The following GRM7 variants were observed in gnomAD, a reference collection of about 807,000 sequenced individuals.
The protein encoded by GRM7 is metabotropic glutamate receptor 7.
Under a neutral mutation model 84.5 loss-of-function variants are expected in GRM7, and 35 were observed. That is an observed-to-expected ratio of 0.41 (90% confidence interval 0.32 to 0.55). GRM7 has a LOEUF of 0.55. GRM7 is among the 20% of genes least tolerant of loss of function. The probability of loss-of-function intolerance (pLI) is 0.19; values close to 1 mark genes in which losing one functional copy is unlikely to be tolerated. For synonymous variants in GRM7, 487 were observed against 455.1 expected (o/e 1.07, Z -0.89); for missense variants, 1,003 against 1,194.6 (o/e 0.84, Z 2.36).
rs564983403 is a variant in GRM7, at chr3:7,464,819, C to A, written c.1515+3097C>A. Among the ~76,000 whole-genome samples, 77 of 138,802 alleles carry A rather than the reference C, an allele frequency of 5.5e-4. 1 individual carries two copies. In the East Asian group the frequency reaches 0.013, roughly 23 times the overall value. The allele number at this position is 138,802 out of a possible 152,430, so 91.1% of individuals were successfully genotyped here. On this transcript the variant is annotated intron_variant, in intron 7 of 9. Transcript: ENST00000357716. ...CTCCAGCCTGGGTGACAGAGCAAGA[C>A]TCTGTCTCAAAAAAAAAAAAAAAAA...
chr3:7,479,157 G>A (rs1413632997), intron 7 of GRM7, among the ~76,000 whole-genome samples: 1 of 152,030 alleles, frequency 6.6e-6, no homozygotes, highest in African/African-American at 2.4e-5. Context: ...AAGGGAGTAG[G>A]CGAGTCAGGC....
intron 8 of GRM7, among the ~76,000 whole-genome samples, chr3:7,631,841 A>G (rs1029408455): frequency 2.6e-5 from 4 of 152,294 alleles, no homozygotes; most frequent in African/African-American, 9.6e-5. Context: ...CGTAATACAG[A>G]GAAACTAACA....
chr3:6,878,380 T>C (rs1424689372), intron 1 of GRM7, among the ~76,000 whole-genome samples: 3 of 82,474 alleles, frequency 3.6e-5, no homozygotes, highest in Non-Finnish European at 7.7e-5. Flanking sequence ...TGTGTTTGCG[T>C]GTGTGTGTGT....
chr3:6,918,388 G>A (rs866706585), intron 1 of GRM7, among the ~76,000 whole-genome samples: 5 of 152,146 alleles, frequency 3.3e-5, no homozygotes, highest in Middle Eastern at 3.2e-3. Flanking sequence ...AGAGTCTGGT[G>A]AGGTATTTAG....
chr3:7,703,723 G>C (rs1255727268), intron 9 of GRM7, among the ~76,000 whole-genome samples: 1 of 152,142 alleles, frequency 6.6e-6, no homozygotes, highest in Non-Finnish European at 1.5e-5. Flanking sequence ...ATTCATGCTT[G>C]ACAATTATCC....
At chr3:7,196,696 G>A (rs1316709657) in intron 2 of GRM7, among the ~76,000 whole-genome samples, 3 of 151,978 alleles carry the variant, frequency 2.0e-5, no homozygotes, top group African/African-American at 7.2e-5. Flanking sequence ...GGCCCCCTTA[G>A]CATTTTTGCA....
At chr3:7,607,417 G>A (rs947726482) in intron 8 of GRM7, 8 of 152,022 alleles carry the variant, frequency 5.3e-5, no homozygotes, top group African/African-American at 1.9e-4. Flanking sequence ...TATGTGAAAA[G>A]TAAAAAGTAG....
intron 5 of GRM7, among the ~76,000 whole-genome samples, chr3:7,438,816 A>T (rs1004986832): frequency 6.6e-6 from 1 of 152,110 alleles, no homozygotes; most frequent in Admixed American, 6.5e-5. Flanking sequence ...TGCCAGATTC[A>T]TCTGGGGGAC....
chr3:7,435,567 C>A (rs192951876), intron 5 of GRM7, among the ~76,000 whole-genome samples: 574 of 151,970 alleles, frequency 3.8e-3, no homozygotes, highest in Non-Finnish European at 5.7e-3. Context: ...GGCTGGAGTA[C>A]AATGGCACGA....
chr3:7,477,063 G>C (rs2124931308), intron 7 of GRM7, among the ~76,000 whole-genome samples: 1 of 152,272 alleles, frequency 6.6e-6, no homozygotes, highest in South Asian at 2.1e-4. Flanking sequence ...CAAAGTGTTA[G>C]ACATCAAACT....
intron 4 of GRM7, among the ~76,000 whole-genome samples, chr3:7,339,962 C>T (rs1458817330): frequency 1.3e-5 from 2 of 152,120 alleles, no homozygotes; most frequent in Admixed American, 6.6e-5. Context: ...ATCTAGGAGT[C>T]TGAATCCTTG....
chr3:7,561,891 C>T (rs902696508), intron 7 of GRM7, among the ~76,000 whole-genome samples: 1 of 152,196 alleles, frequency 6.6e-6, no homozygotes, highest in South Asian at 2.1e-4. Context: ...TGCCAAACTC[C>T]ACAAGGCATG....
At chr3:6,899,956 G>T (rs376116543) in intron 1 of GRM7, among the ~76,000 whole-genome samples, 1 of 152,168 alleles carries the variant, frequency 6.6e-6, no homozygotes, top group Admixed American at 6.5e-5. Context: ...AGTCAAATAC[G>T]TCTTTGTCAA....
intron 4 of GRM7, among the ~76,000 whole-genome samples, chr3:7,388,421 G>T (rs1318653665): frequency 2.0e-5 from 3 of 151,982 alleles, no homozygotes; most frequent in Non-Finnish European, 4.4e-5. Flanking sequence ...TTGTTTTCTT[G>T]CCAAATTTTG....
chr3:7,232,803 C>T (rs544370006), intron 2 of GRM7, among the ~76,000 whole-genome samples: 9 of 152,274 alleles, frequency 5.9e-5, no homozygotes, highest in African/African-American at 2.2e-4. Context: ...AAGATTCTAA[C>T]TCAGATCTGA....
At position 7,093,695 on chromosome 3, in the gene GRM7, AAAAAAAAAAAAAAAAAAAAG is replaced by A. The variant is rs1390450777; in HGVS notation, c.520-52756_520-52737del. Among the ~76,000 whole-genome samples the A allele has an allele frequency of 8.3e-4, 116 of 139,488 alleles. 1 individual carries two copies. Among genetic ancestry groups the A allele is most frequent in the South Asian group, 2.9e-3 (12 of 4,190 alleles). The allele number at this position is 139,488 out of a possible 152,430, so 91.5% of individuals were successfully genotyped here. Reference sequence around the variant, plus strand: ...CTGTCTCAAAAAAAAAAAAAAAAAAAAAAAAAAAAAAAAAAAAAAGGTAGTTAGTGGCCTTTGCTCTTTTA... The same window carrying A: ...CTGTCTCAAAAAAAAAAAAAAAAAAAGTAGTTAGTGGCCTTTGCTCTTTTA... On this transcript the variant is annotated intron_variant, in intron 1 of 9. Transcript: ENST00000357716.
chr3:7,447,752 T>A (rs1375773861), intron 5 of GRM7, among the ~76,000 whole-genome samples: 1 of 151,866 alleles, frequency 6.6e-6, no homozygotes, highest in African/African-American at 2.4e-5. Context: ...TTTATTTTAT[T>A]TATTTTATTA....
intron 8 of GRM7, among the ~76,000 whole-genome samples, chr3:7,634,836 G>T (rs1035146177): frequency 6.6e-6 from 1 of 151,866 alleles, no homozygotes; most frequent in Non-Finnish European, 1.5e-5. Flanking sequence ...GAAATCCGCA[G>T]ATCTTTCAAG....
At chr3:7,549,099 G>A (rs1394537753) in intron 7 of GRM7, among the ~76,000 whole-genome samples, 1 of 152,170 alleles carries the variant, frequency 6.6e-6, no homozygotes, top group Non-Finnish European at 1.5e-5. Flanking sequence ...TCACATGCCA[G>A]CCTATGAGAG....
Sources: allele counts gnomAD v4.1 joint callset (sites outside exome capture counted in the v4.1 genomes callset), GRCh38; gene constraint gnomAD v4.1.1; transcripts MANE v1.5; gene names NCBI Gene and HGNC (gene_info 2026-07-23, HGNC 2026-07-21).